MOB1A: variants seen among roughly 807,000 people sequenced by gnomAD.
MOB1A encodes the protein MOB1 Mps One Binder homolog A.
Under a neutral mutation model 25.1 loss-of-function variants are expected in MOB1A, and 10 were observed. The ratio of observed to expected loss-of-function variants is 0.40; its 90% CI spans 0.25 to 0.68. The LOEUF is 0.68. Ranked by LOEUF, MOB1A falls within the 30% of genes least tolerant of loss-of-function variation. MOB1A has a pLI of 0.40. For missense variants in MOB1A, 177 were observed against 256.3 expected (o/e 0.69, Z 2.11); for synonymous variants, 81 against 79.5 (o/e 1.02, Z -0.10).
rs576526568 is a variant in MOB1A, at chr2:74,161,440, G to A, written c.410-2186C>T. Among the ~76,000 whole-genome samples, 6 of 151,074 alleles carry A rather than the reference G, an allele frequency of 4.0e-5. No individual in the cohort carries two copies. The East Asian group carries it at 9.9e-4, about 25-fold the overall frequency. On this transcript the variant is annotated intron_variant, in intron 4 of 5. Coordinates refer to ENST00000396049, the MANE Select transcript of MOB1A (RefSeq NM_018221.5). ...GGGCGGATCATGAGGTCAGGAGATC[G>A]AGACCATCCTGGCTAACACAGTGAA...
rs1693555394 is a variant in MOB1A at position 74,178,808 on chromosome 2, T to C, written c.-134A>G. 1 of 460,100 alleles carries C rather than the reference T, an allele frequency of 2.2e-6. No individual in the cohort carries two copies. The allele number at this position is 460,100 out of a possible 1,614,324, so 28.5% of individuals were successfully genotyped here. A position where few individuals can be genotyped will look rare whatever the true frequency, so the allele number is the denominator to read the frequency against. ...GGCCGCCGCCGCTCGGAGCCGGGTT[T>C]CTGGCCGCTGCGAGCCTTTGCAAAC... On this transcript the variant is annotated 5_prime_UTR_variant, in exon 1 of 6. Coordinates refer to ENST00000396049, the MANE Select transcript of MOB1A (RefSeq NM_018221.5).
chr2:74,157,076 G>A (rs1348824648), intron 5 of MOB1A, among the ~76,000 whole-genome samples: 1 of 150,424 alleles, frequency 6.6e-6, no homozygotes, highest in Non-Finnish European at 1.5e-5. Context: ...TGAGATGACT[G>A]GTGGCTGGAG....
chr2:74,159,352 T>C (rs1401717361), intron 4 of MOB1A, 98 bp from the exon 5 acceptor site: 1 of 1,103,390 alleles, frequency 9.1e-7, no homozygotes, highest in Non-Finnish European at 1.3e-6. Flanking sequence ...CAGGCAGTGG[T>C]GCAATCTCAG....
intron 2 of MOB1A, 69 bp downstream of exon 2, chr2:74,172,517 A>T: frequency 6.8e-7 from 1 of 1,463,234 alleles, no homozygotes; most frequent in Non-Finnish European, 9.3e-7. Context: ...CTGTAAAAGA[A>T]AATTCATTAA....
intron 1 of MOB1A, among the ~76,000 whole-genome samples, chr2:74,175,641 A>G (rs891288102): frequency 3.9e-5 from 6 of 152,182 alleles, no homozygotes; most frequent in Non-Finnish European, 8.8e-5. Context: ...TTTAATAGGG[A>G]GAAACCTAGA....
chr2:74,170,093 G>A (rs1693243794), intron 2 of MOB1A, among the ~76,000 whole-genome samples: 1 of 152,096 alleles, frequency 6.6e-6, no homozygotes, highest in Admixed American at 6.6e-5. Flanking sequence ...AATGACTTCA[G>A]AATAACAGAT....
chr2:74,175,647 C>T (rs1443683352), intron 1 of MOB1A, among the ~76,000 whole-genome samples: 1 of 152,034 alleles, frequency 6.6e-6, no homozygotes, highest in Non-Finnish European at 1.5e-5. Flanking sequence ...AGGGAGAAAC[C>T]TAGAAGCAAT....
intron 2 of MOB1A, among the ~76,000 whole-genome samples, chr2:74,170,812 G>A (rs982048493): frequency 1.3e-5 from 2 of 151,622 alleles, no homozygotes; most frequent in Non-Finnish European, 2.9e-5. Flanking sequence ...GATCACTTGA[G>A]TCCAGAAGTT....
At chr2:74,166,384 T>C (rs991650524) in intron 3 of MOB1A, among the ~76,000 whole-genome samples, 1 of 152,140 alleles carries the variant, frequency 6.6e-6, no homozygotes, top group Admixed American at 6.5e-5. Flanking sequence ...ACAGGAAACA[T>C]AAATGTTATT....
rs770256072 is a variant in MOB1A, at chr2:74,155,957, TATG to T, written c.*608_*610del. The T allele has an allele frequency of 2.0e-5, 3 of 152,624 alleles. No individual in the cohort carries two copies. Among genetic ancestry groups the T allele is most frequent in the Non-Finnish European group, 2.9e-5 (2 of 68,024 alleles). 9.5% of individuals were successfully genotyped at this position (152,624 alleles called of 1,614,324 possible). A position where few individuals can be genotyped will look rare whatever the true frequency, so the allele number is the denominator to read the frequency against. On this transcript the variant is annotated 3_prime_UTR_variant, in exon 6 of 6. Transcript: ENST00000396049. ...TTTGGTTGCTCCCACCCACACGTCA[TATG>T]ATGATTTAAACTGCAATCATGAATT...
chr2:74,177,062 A>G (rs1219068651), intron 1 of MOB1A, among the ~76,000 whole-genome samples: 1 of 152,178 alleles, frequency 6.6e-6, no homozygotes, highest in Non-Finnish European at 1.5e-5. Flanking sequence ...TTTTAAAAAA[A>G]GAAAGTCTCG....
intron 2 of MOB1A, among the ~76,000 whole-genome samples, chr2:74,171,156 T>C (rs886378492): frequency 3.9e-4 from 60 of 151,950 alleles, no homozygotes; most frequent in African/African-American, 1.4e-3. Flanking sequence ...GGCGGACACC[T>C]GTAATCCCTC....
intron 2 of MOB1A, among the ~76,000 whole-genome samples, chr2:74,169,367 T>A (rs1237724288): frequency 6.6e-6 from 1 of 152,022 alleles, no homozygotes; most frequent in Non-Finnish European, 1.5e-5. Context: ...CCGGGCATGG[T>A]AGCACATGCC....
At chr2:74,176,392 T>C (rs965431868) in intron 1 of MOB1A, among the ~76,000 whole-genome samples, 1 of 151,256 alleles carries the variant, frequency 6.6e-6, no homozygotes, top group African/African-American at 2.4e-5. Context: ...AAGAAAATAT[T>C]TGCAAATCAT....
rs772593133 is a variant in MOB1A at position 74,159,184 on chromosome 2, G to A, written c.480C>T (p.Ala160=). ...AATCAAAGTGCTGGTGATAAATATG[G>A]GCATAAACCCTGAACAGACGCTTTA... ...TILKRLFRVY[A]HIYHQHFDSV... The change falls in exon 5 of 6, where the codon GCC becomes GCT. Residue 160 remains alanine (A), a synonymous_variant. Transcript: ENST00000396049. The A allele has an allele frequency of 6.2e-7, 1 of 1,613,858 alleles. No homozygotes were observed. The highest frequency in any genetic ancestry group is 1.1e-5 in the South Asian group (1 of 91,078).
chr2:74,174,429 G>A (rs945524412), intron 1 of MOB1A, among the ~76,000 whole-genome samples: 5 of 152,056 alleles, frequency 3.3e-5, no homozygotes. Context: ...GGCGGAATGG[G>A]GGGTGGGGAA....
intron 3 of MOB1A, 97 bp downstream of exon 3, chr2:74,166,917 C>T (rs1693144850): frequency 1.2e-6 from 1 of 865,346 alleles, no homozygotes; most frequent in South Asian, 1.6e-5. Flanking sequence ...GAATCACCTT[C>T]ACACAAACGG....
chr2:74,172,755 G>A lies in MOB1A; in HGVS notation c.15-3C>T, dbSNP rs1435436951. ...ATGTTTTAGAAGAGCGGCTGCTGCT[G>A]TAAGATTAAAAGTGCAAGTATATGA... On this transcript the variant is annotated splice_region_variant and splice_polypyrimidine_tract_variant and intron_variant, in intron 1 of 5. Transcript: ENST00000396049. 1.9e-6 allele frequency: 3 copies of A among 1,611,324 alleles called. No homozygotes were observed. The highest frequency in any genetic ancestry group is 2.2e-5 in the East Asian group (1 of 44,874).
chr2:74,160,135 C>A (rs939683060), intron 4 of MOB1A, among the ~76,000 whole-genome samples: 1 of 152,092 alleles, frequency 6.6e-6, no homozygotes, highest in African/African-American at 2.4e-5. Flanking sequence ...TTAAATGCAA[C>A]AAGAGTAAGT....
Sources: gnomAD v4.1 joint callset for allele counts (sites outside exome capture counted in the v4.1 genomes callset) on GRCh38, gnomAD v4.1.1 for gene constraint, MANE v1.5 for transcripts, NCBI Gene and HGNC (gene_info 2026-07-23, HGNC 2026-07-21) for gene names.